Variants in RIT2 observed in about 807,000 individuals in gnomAD.
RIT2 encodes the protein GTP-binding protein Rit2.
Under a neutral mutation model 23.7 loss-of-function variants are expected in RIT2, and 24 were observed. The observed-to-expected ratio is 1.01, with a 90% confidence interval of 0.73 to 1.43. The LOEUF (loss-of-function observed/expected upper bound fraction) is 1.43. Ranked by LOEUF, RIT2 falls within the 40% of genes most tolerant of loss-of-function variation. RIT2 has a pLI of 0.00. For synonymous variants in RIT2, 107 were observed against 91.1 expected (o/e 1.17, Z -0.99); for missense variants, 236 against 266.9 (o/e 0.88, Z 0.81).
intron 1 of RIT2, among the ~76,000 whole-genome samples, chr18:43,103,688 C>T (rs1316064643): frequency 6.6e-6 from 1 of 152,046 alleles, no homozygotes; most frequent in African/African-American, 2.4e-5. Context: ...TTTAAAATAA[C>T]TTCGTGATTG....
At chr18:43,087,992 T>C (rs1247654030) in intron 1 of RIT2, among the ~76,000 whole-genome samples, 1 of 152,220 alleles carries the variant, frequency 6.6e-6, no homozygotes, top group Non-Finnish European at 1.5e-5. Context: ...ATTAGCCTAG[T>C]GTATGGACAC....
intron 2 of RIT2, among the ~76,000 whole-genome samples, chr18:42,976,508 T>G (rs1212633500): frequency 6.6e-6 from 1 of 152,088 alleles, no homozygotes; most frequent in Non-Finnish European, 1.5e-5. Context: ...AGTCTGATTT[T>G]AGGAAAATCA....
chr18:43,007,918 G>C (rs1911263192), intron 2 of RIT2, among the ~76,000 whole-genome samples: 1 of 151,608 alleles, frequency 6.6e-6, no homozygotes, highest in South Asian at 2.1e-4. Flanking sequence ...AAGTAGAAAA[G>C]ATAGAGTTGG....
chr18:42,763,461 C>CAAAAA (rs35389876), intron 4 of RIT2, among the ~76,000 whole-genome samples: 4 of 137,702 alleles, frequency 2.9e-5, no homozygotes, highest in Non-Finnish European at 6.2e-5. Context: ...GACTCCGTCT[C>CAAAAA]AAAAAAAAAA....
rs750496692 is a variant in RIT2, at chr18:42,884,311, T to C, written c.426+39261A>G. On this transcript the variant is annotated intron_variant, in intron 4 of 4. Coordinates refer to ENST00000326695, the MANE Select transcript of RIT2 (RefSeq NM_002930.4). ...GAGACTCTCAAAGGAAATTACTCTC[T>C]CTCTTTTCTTTAATGTCAACAGTTG... Among the ~76,000 whole-genome samples the C allele has an allele frequency of 1.3e-3, 191 of 152,312 alleles. 1 individual carries two copies. Among genetic ancestry groups the C allele is most frequent in the Admixed American group, 2.2e-3 (33 of 15,296 alleles).
intron 4 of RIT2, among the ~76,000 whole-genome samples, chr18:42,812,670 G>A (rs910572114): frequency 3.9e-5 from 6 of 152,050 alleles, no homozygotes; most frequent in African/African-American, 1.4e-4. Context: ...TCTTCAATGT[G>A]TTTTATGGAA....
chr18:43,099,436 C>A (rs577968982), intron 1 of RIT2, among the ~76,000 whole-genome samples: 2 of 152,098 alleles, frequency 1.3e-5, no homozygotes, highest in South Asian at 4.1e-4. Flanking sequence ...TTCTTCCTCA[C>A]CTTAACTGTC....
chr18:42,892,764 G>C (rs929701437), intron 4 of RIT2, among the ~76,000 whole-genome samples: 1 of 152,080 alleles, frequency 6.6e-6, no homozygotes, highest in Non-Finnish European at 1.5e-5. Context: ...CTGAAATCCT[G>C]GTGTCTTATA....
chr18:42,786,810 CGTTT>C (rs1360901961), intron 4 of RIT2, among the ~76,000 whole-genome samples: 12 of 152,076 alleles, frequency 7.9e-5, no homozygotes, highest in South Asian at 6.2e-4. Flanking sequence ...TATCAAAACT[CGTTT>C]GTTCAGATCC....
chr18:42,901,870 T>C (rs965818429), intron 4 of RIT2, among the ~76,000 whole-genome samples: 28 of 151,944 alleles, frequency 1.8e-4, no homozygotes, highest in African/African-American at 6.5e-4. Context: ...CAAAGCTCTC[T>C]GGAAAAATAT....
rs2144088748 is a variant in RIT2 at position 42,887,719 on chromosome 18, C to T, written c.426+35853G>A. The stretch of plus-strand genomic sequence containing the variant: ...CACAAAGACTACACACAAATGTTTA[C>T]AAAAGCTTTGTTCATAATTTCTGAA... On this transcript the variant is annotated intron_variant, in intron 4 of 4. Transcript: ENST00000326695. 1.3e-5 allele frequency among the ~76,000 whole-genome samples: 2 copies of T among 152,234 alleles called. 1 individual carries two copies. The highest frequency in any genetic ancestry group is 4.1e-4 in the South Asian group (2 of 4,826).
In RIT2 at chr18:43,053,829, T is replaced by C. The variant is rs376800289; in HGVS notation, c.104-19962A>G. On this transcript the variant is annotated intron_variant, in intron 1 of 4. Coordinates refer to ENST00000326695, the MANE Select transcript of RIT2 (RefSeq NM_002930.4). The stretch of plus-strand genomic sequence containing the variant: ...CTTTCATATGCAAAGTAGTTCCTTG[T>C]AGAAGAAATTTCCTTTTTAGATCTT... Among the ~76,000 whole-genome samples the C allele has an allele frequency of 1.3e-4, 20 of 152,254 alleles. No individual in the cohort carries two copies. In the South Asian group the frequency reaches 1.7e-3, roughly 13 times the overall value.
At chr18:42,920,798 T>A in intron 4 of RIT2, 1 of 1,381,914 alleles carries the variant, frequency 7.2e-7, no homozygotes. Context: ...AGAATCCTAC[T>A]CCTTTGCCTC....
intron 4 of RIT2, among the ~76,000 whole-genome samples, chr18:42,864,054 A>AG (rs398120383): frequency 1.3e-5 from 2 of 151,814 alleles, no homozygotes; most frequent in Non-Finnish European, 2.9e-5. Context: ...AAAAAAAAAA[A>AG]CGATATGAAA....
At chr18:42,819,168 A>T (rs1451406530) in intron 4 of RIT2, among the ~76,000 whole-genome samples, 2 of 152,066 alleles carry the variant, frequency 1.3e-5, no homozygotes, top group Non-Finnish European at 2.9e-5. Context: ...TTATATAATA[A>T]GATGTTACAG....
chr18:42,967,067 C>A (rs1301171693), intron 3 of RIT2, among the ~76,000 whole-genome samples: 1 of 151,712 alleles, frequency 6.6e-6, no homozygotes, highest in Non-Finnish European at 1.5e-5. Flanking sequence ...CAAGGAAAAG[C>A]TGAAAATAAA....
chr18:43,051,531 A>G (rs1912384564), intron 1 of RIT2, among the ~76,000 whole-genome samples: 1 of 152,132 alleles, frequency 6.6e-6, no homozygotes. Context: ...GTGGGCTTAT[A>G]ATGAAAGACA....
At chr18:42,792,869 T>C (rs11872616) in intron 4 of RIT2, among the ~76,000 whole-genome samples, 49,455 of 152,044 alleles carry the variant, frequency 0.33, 10,762 homozygotes, top group African/African-American at 0.61. Context: ...ATGTCAGCTT[T>C]AGTGAATGGT....
intron 4 of RIT2, among the ~76,000 whole-genome samples, chr18:42,826,279 G>A (rs1906295490): frequency 6.6e-6 from 1 of 152,038 alleles, no homozygotes; most frequent in Admixed American, 6.5e-5. Context: ...TAGATGTTAA[G>A]TAACTTTCCC....
Sources: gnomAD v4.1 joint callset for allele counts (sites outside exome capture counted in the v4.1 genomes callset) on GRCh38, gnomAD v4.1.1 for gene constraint, MANE v1.5 for transcripts, NCBI Gene and HGNC (gene_info 2026-07-23, HGNC 2026-07-21) for gene names.